SLC8A3: variants seen among roughly 807,000 people sequenced by gnomAD.
The protein encoded by SLC8A3 is solute carrier family 8 member A3.
SLC8A3 carries 37 observed loss-of-function variants against 65.4 expected under a neutral mutation model. The ratio of observed to expected loss-of-function variants is 0.57; its 90% CI spans 0.44 to 0.74. The LOEUF (loss-of-function observed/expected upper bound fraction) is 0.74. Among genes scored for constraint, SLC8A3 ranks in the 30% least tolerant of loss-of-function variants. The pLI, the probability that SLC8A3 is intolerant of heterozygous loss-of-function variation, is 0.00. For missense variants in SLC8A3, 1,112 were observed against 1,172.1 expected, an observed-to-expected ratio of 0.95 and a Z score of 0.75; for synonymous variants, 461 against 444.5, an observed-to-expected ratio of 1.04 and a Z score of -0.47.
At chr14:70,106,308 G>A (rs1052842455) in intron 2 of SLC8A3, among the ~76,000 whole-genome samples, 1 of 152,052 alleles carries the variant, frequency 6.6e-6, no homozygotes, top group Admixed American at 6.5e-5. Context: ...CAACCCCTTT[G>A]TGCTAATATT....
At chr14:70,141,085 T>C (rs546390125) in intron 2 of SLC8A3, among the ~76,000 whole-genome samples, 3 of 152,216 alleles carry the variant, frequency 2.0e-5, no homozygotes, top group Non-Finnish European at 4.4e-5. Context: ...ATAATAACAA[T>C]AACTGATTTA....
At chr14:70,080,356 C>G (rs1408610343) in intron 2 of SLC8A3, 1 of 388,422 alleles carries the variant, frequency 2.6e-6, no homozygotes, top group African/African-American at 2.2e-5. Flanking sequence ...CTGTTCCTGG[C>G]TGGTACTCTC....
At chr14:70,180,501 G>A (rs1882654920) in intron 1 of SLC8A3, among the ~76,000 whole-genome samples, 1 of 149,216 alleles carries the variant, frequency 6.7e-6, no homozygotes, top group Non-Finnish European at 1.5e-5. Flanking sequence ...CTTCCATAAT[G>A]ATTTCCCCTT....
At chr14:70,148,633 C>T (rs887272094) in intron 2 of SLC8A3, among the ~76,000 whole-genome samples, 2 of 152,022 alleles carry the variant, frequency 1.3e-5, no homozygotes, top group Admixed American at 1.3e-4. Flanking sequence ...GTTTACAAAG[C>T]GACAAGGTAA....
At chr14:70,152,650 C>T (rs1281946979) in intron 2 of SLC8A3, among the ~76,000 whole-genome samples, 1 of 152,042 alleles carries the variant, frequency 6.6e-6, no homozygotes, top group Non-Finnish European at 1.5e-5. Flanking sequence ...CCTGGGCAGA[C>T]AGATCTGTAT....
intron 2 of SLC8A3, among the ~76,000 whole-genome samples, chr14:70,065,948 CT>C (rs1173651887): frequency 6.6e-6 from 1 of 152,238 alleles, no homozygotes; most frequent in Non-Finnish European, 1.5e-5. Flanking sequence ...AGAGATTTCT[CT>C]CAAAATCTAG....
At chr14:70,148,298 C>T (rs76709114) in intron 2 of SLC8A3, among the ~76,000 whole-genome samples, 8,318 of 152,260 alleles carry the variant, frequency 0.055, 293 homozygotes, top group Non-Finnish European at 0.084. Flanking sequence ...AATGGAATTA[C>T]ATCCCTTGTG....
chr14:70,096,708 A>C (rs1338432008), intron 2 of SLC8A3, among the ~76,000 whole-genome samples: 1 of 152,168 alleles, frequency 6.6e-6, no homozygotes, highest in Non-Finnish European at 1.5e-5. Flanking sequence ...ACAAATCCTC[A>C]ATTCATGTCC....
chr14:70,182,489 G>C (rs1174829365), intron 1 of SLC8A3, among the ~76,000 whole-genome samples: 12 of 152,156 alleles, frequency 7.9e-5, no homozygotes, highest in Non-Finnish European at 1.8e-4. Context: ...AGAGAGCTCT[G>C]TGTGAAAGAA....
At chr14:70,102,769 T>C (rs932922475) in intron 2 of SLC8A3, among the ~76,000 whole-genome samples, 2 of 151,836 alleles carry the variant, frequency 1.3e-5, no homozygotes, top group East Asian at 3.9e-4. Context: ...CTGAAGAACA[T>C]AGAGAAAAAA....
At chr14:70,094,394 TC>T (rs1407068178) in intron 2 of SLC8A3, among the ~76,000 whole-genome samples, 2 of 152,244 alleles carry the variant, frequency 1.3e-5, no homozygotes, top group African/African-American at 4.8e-5. Flanking sequence ...AATATCAGTT[TC>T]CTTTCCCATC....
chr14:70,145,070 C>T (rs774107202), intron 2 of SLC8A3, among the ~76,000 whole-genome samples: 22 of 152,108 alleles, frequency 1.4e-4, no homozygotes, highest in Non-Finnish European at 2.6e-4. Context: ...AGCCTAGTGC[C>T]CTGAACTTAC....
In SLC8A3 at chr14:70,188,926, C is replaced by G. The variant is rs1193288559; in HGVS notation, c.-610G>C. 1 of 152,066 alleles carries G rather than the reference C, an allele frequency of 6.6e-6. No individual in the cohort carries two copies. The highest frequency in any genetic ancestry group is 1.5e-5 in the Non-Finnish European group (1 of 68,014). The allele number at this position is 152,066 out of a possible 1,614,324, so 9.4% of individuals were successfully genotyped here. A position where few individuals can be genotyped will look rare whatever the true frequency, so the allele number is the denominator to read the frequency against. On this transcript the variant is annotated 5_prime_UTR_variant, in exon 1 of 7. Coordinates refer to ENST00000356921, the MANE Select transcript of SLC8A3 (RefSeq NM_182932.3). ...ACCGCGGGAGACGTCTCGGCCTCGC[C>G]GCGCGCAGAGGGGACGCGCGGAGAG...
At chr14:70,184,283 C>T (rs1378791113) in intron 1 of SLC8A3, among the ~76,000 whole-genome samples, 2 of 152,156 alleles carry the variant, frequency 1.3e-5, no homozygotes. Flanking sequence ...ATCTAAAATG[C>T]AAGTCTGACC....
rs768905574 is a variant in SLC8A3 at position 70,048,849 on chromosome 14, C to G, written c.2307G>C (p.Leu769=). 2 of 1,614,006 alleles carry G rather than the reference C, an allele frequency of 1.2e-6. No individual in the cohort carries two copies. Among genetic ancestry groups the G allele is most frequent in the African/African-American group, 2.7e-5 (2 of 74,930 alleles). Residue 769 remains leucine, a synonymous_variant, in exon 6 of 7, where the codon CTG becomes CTC. Transcript: ENST00000356921. ...IGMLTAIIGD[L]ASHFGCTIGL... ...CAATGGTGCAGCCGAAGTGCGAGGC[C>G]AGGTCCCCAATGATGGCGGTGAGCA... is the stretch of plus-strand genomic sequence containing the variant.
intron 2 of SLC8A3, among the ~76,000 whole-genome samples, chr14:70,100,855 A>C (rs1001504741): frequency 1.3e-5 from 2 of 152,216 alleles, no homozygotes; most frequent in East Asian, 3.8e-4. Context: ...TGGTACTATG[A>C]GCATTGCCAA....
chr14:70,101,552 T>C (rs761629815), intron 2 of SLC8A3, among the ~76,000 whole-genome samples: 2 of 152,150 alleles, frequency 1.3e-5, no homozygotes, highest in Non-Finnish European at 2.9e-5. Flanking sequence ...AAAGTTATTC[T>C]AAGAGCAATG....
chr14:70,066,136 A>C (rs908820869), intron 2 of SLC8A3, among the ~76,000 whole-genome samples: 13 of 152,210 alleles, frequency 8.5e-5, no homozygotes, highest in Non-Finnish European at 1.5e-5. Context: ...CAGAGCAAGG[A>C]ATGAATGGAG....
chr14:70,134,664 T>C (rs1195841908), intron 2 of SLC8A3, among the ~76,000 whole-genome samples: 1 of 152,188 alleles, frequency 6.6e-6, no homozygotes, highest in Non-Finnish European at 1.5e-5. Flanking sequence ...TGGATTTTCT[T>C]AGCATTTTCT....
Sources: allele counts gnomAD v4.1 joint callset (sites outside exome capture counted in the v4.1 genomes callset), GRCh38; gene constraint gnomAD v4.1.1; transcripts MANE v1.5; gene names NCBI Gene and HGNC (gene_info 2026-07-23, HGNC 2026-07-21).